The following F13A1 variants were observed in gnomAD, a reference collection of about 807,000 sequenced individuals.
The protein encoded by F13A1 is FSF, A subunit.
A neutral mutation model predicts 80.1 loss-of-function variants in F13A1; 47 were observed. That is an observed-to-expected ratio of 0.59 (90% CI 0.46 to 0.75). The LOEUF (loss-of-function observed/expected upper bound fraction) is 0.75. Ranked by LOEUF, F13A1 falls within the 30% of genes least tolerant of loss-of-function variation. The pLI, the probability that F13A1 is intolerant of heterozygous loss-of-function variation, is 0.00. For synonymous variants in F13A1, 349 were observed against 344.9 expected (o/e 1.01, Z -0.13); for missense variants, 817 against 930.4 (o/e 0.88, Z 1.59).
rs552350118 is a variant in F13A1, at chr6:6,318,800, C to T, written c.-18-118G>A. On this transcript the variant is annotated intron_variant, in intron 1 of 14. Coordinates refer to ENST00000264870, the MANE Select transcript of F13A1 (RefSeq NM_000129.4). ...TCTGTGTGTGATAGCACTTGAGCAACACATTTTGCCGTTTGCATAAATAAA... is the reference window on the plus strand; with the variant it reads ...TCTGTGTGTGATAGCACTTGAGCAATACATTTTGCCGTTTGCATAAATAAA... The T allele has an allele frequency of 1.1e-5, 12 of 1,092,864 alleles. No individual in the cohort carries two copies. In the African/African-American group the frequency reaches 1.7e-4, roughly 16 times the overall value. The allele number at this position is 1,092,864 out of a possible 1,614,324, so 67.7% of individuals were successfully genotyped here.
intron 8 of F13A1, among the ~76,000 whole-genome samples, chr6:6,213,416 T>C (rs1761658493): frequency 6.6e-6 from 1 of 151,994 alleles, no homozygotes; most frequent in Non-Finnish European, 1.5e-5. Flanking sequence ...GAATTTCATA[T>C]CCAGCCAAAC....
intron 2 of F13A1, 95 bp downstream of exon 2, chr6:6,318,440 C>T: frequency 6.9e-7 from 1 of 1,441,384 alleles, no homozygotes; most frequent in Non-Finnish European, 9.3e-7. Flanking sequence ...GTGGGAACCC[C>T]AGTGGAGACA....
intron 13 of F13A1, among the ~76,000 whole-genome samples, chr6:6,160,891 G>A (rs149922619): frequency 6.7e-6 from 1 of 148,842 alleles, no homozygotes; most frequent in Non-Finnish European, 1.5e-5. Context: ...ACATCTGTTT[G>A]CTTATGCTTG....
chr6:6,247,577 G>A (rs1319406121), intron 6 of F13A1, among the ~76,000 whole-genome samples: 2 of 152,178 alleles, frequency 1.3e-5, no homozygotes, highest in African/African-American at 4.8e-5. Flanking sequence ...ACTCATGGGA[G>A]TTCTATCTCC....
intron 3 of F13A1, among the ~76,000 whole-genome samples, chr6:6,269,078 GA>G (rs907442822): frequency 2.0e-5 from 3 of 152,044 alleles, no homozygotes; most frequent in Non-Finnish European, 2.9e-5. Flanking sequence ...CTCTGGTTCT[GA>G]ATCTGAAGAA....
intron 8 of F13A1, among the ~76,000 whole-genome samples, chr6:6,217,169 C>T (rs1319726028): frequency 6.6e-6 from 1 of 150,794 alleles, no homozygotes; most frequent in Non-Finnish European, 1.5e-5. Context: ...CCAGCCATCC[C>T]ATTACTTGGT....
At chr6:6,210,324 G>GAGATATATATATATATATATATATATAT (rs1761580677) in intron 8 of F13A1, among the ~76,000 whole-genome samples, 3 of 82,904 alleles carry the variant, frequency 3.6e-5, no homozygotes, top group African/African-American at 1.0e-4. Context: ...TGTAGCATGT[G>GAGATATATATATATATATATATATATAT]ATATATATAT....
chr6:6,168,262 A>AC (rs1760712099), intron 12 of F13A1, among the ~76,000 whole-genome samples: 1 of 152,204 alleles, frequency 6.6e-6, no homozygotes. Context: ...CTCAATGGAA[A>AC]CCAGTCACTG....
At position 6,160,847 on chromosome 6, in the gene F13A1, T is replaced by G. The variant is rs1760560936; in HGVS notation, c.1908+6611A>C. 2.8e-5 allele frequency among the ~76,000 whole-genome samples: 4 copies of G among 140,696 alleles called. No individual in the cohort carries two copies. In the South Asian group the frequency reaches 6.6e-4, roughly 23 times the overall value. The allele number at this position is 140,696 out of a possible 152,430, so 92.3% of individuals were successfully genotyped here. ...TTGGAAACAGTCAATTGTCCTCATT[T>G]TAAAAGCTTTTTTTTTTTTTGAAAA... On this transcript the variant is annotated intron_variant, in intron 13 of 14. Transcript: ENST00000264870.
intron 3 of F13A1, among the ~76,000 whole-genome samples, chr6:6,293,397 A>C (rs1291823625): frequency 6.6e-6 from 1 of 150,458 alleles, no homozygotes; most frequent in South Asian, 2.1e-4. Context: ...TGTGATTACC[A>C]CTCCCCTCCT....
intron 8 of F13A1, among the ~76,000 whole-genome samples, chr6:6,202,223 C>T (rs542722086): frequency 6.6e-6 from 1 of 151,188 alleles, no homozygotes; most frequent in South Asian, 2.1e-4. Flanking sequence ...TTCCTAATTT[C>T]ATCTACTGAT....
At chr6:6,318,867 C>T (rs1758728599) in intron 1 of F13A1, among the ~76,000 whole-genome samples, 185 bp from the exon 2 acceptor site, 2 of 152,122 alleles carry the variant, frequency 1.3e-5, no homozygotes, top group Non-Finnish European at 1.5e-5. Context: ...TGATGGAATA[C>T]AGTTCCCCAA....
intron 13 of F13A1, among the ~76,000 whole-genome samples, chr6:6,156,778 A>G (rs946146216): frequency 5.3e-5 from 8 of 152,336 alleles, no homozygotes; most frequent in African/African-American, 1.9e-4. Context: ...TTATAATTAA[A>G]TTAATTAAAA....
chr6:6,262,770 G>T (rs1440554095), intron 4 of F13A1, among the ~76,000 whole-genome samples: 1 of 151,132 alleles, frequency 6.6e-6, no homozygotes, highest in African/African-American at 2.4e-5. Context: ...CATTAAACTG[G>T]AAAATCTGCA....
chr6:6,164,344 G>A (rs1760628087), intron 13 of F13A1, among the ~76,000 whole-genome samples: 1 of 152,128 alleles, frequency 6.6e-6, no homozygotes, highest in South Asian at 2.1e-4. Flanking sequence ...GGAGTGGGGA[G>A]GATGGGAGGA....
intron 11 of F13A1, among the ~76,000 whole-genome samples, chr6:6,179,316 A>T (rs949595312): frequency 6.6e-6 from 1 of 152,232 alleles, no homozygotes; most frequent in African/African-American, 2.4e-5. Context: ...TATAAAGTTA[A>T]TAATAAGCTT....
intron 4 of F13A1, among the ~76,000 whole-genome samples, chr6:6,257,806 T>C (rs1012342726): frequency 6.6e-6 from 1 of 152,234 alleles, no homozygotes; most frequent in African/African-American, 2.4e-5. Context: ...CTAATTTGCC[T>C]GTTTTGCTGG....
chr6:6,218,427 C>A (rs147361595), intron 8 of F13A1, among the ~76,000 whole-genome samples: 3 of 152,180 alleles, frequency 2.0e-5, no homozygotes, highest in African/African-American at 4.8e-5. Context: ...TTCATAGCTG[C>A]CTTCCCCCCA....
intron 3 of F13A1, among the ~76,000 whole-genome samples, chr6:6,300,714 G>A (rs1758415932): frequency 6.6e-6 from 1 of 152,048 alleles, no homozygotes; most frequent in African/African-American, 2.4e-5. Context: ...GGGTCGCTCA[G>A]GCTGGGAGCT....
Sources: allele counts gnomAD v4.1 joint callset (sites outside exome capture counted in the v4.1 genomes callset), GRCh38; gene constraint gnomAD v4.1.1; transcripts MANE v1.5; gene names NCBI Gene and HGNC (gene_info 2026-07-23, HGNC 2026-07-21).